Variants in MACF1 observed in about 807,000 individuals in gnomAD.
MACF1 encodes microtubule actin crosslinking factor 1.
A neutral mutation model predicts 854.8 loss-of-function variants in MACF1; 193 were observed. That is an observed-to-expected ratio of 0.23 (90% CI 0.20 to 0.25). MACF1 has a LOEUF of 0.25. Ranked by LOEUF, MACF1 falls within the 10% of genes least tolerant of loss-of-function variation. The pLI, the probability that MACF1 is intolerant of heterozygous loss-of-function variation, is 1.00. For missense variants in MACF1, 7,722 were observed against 8,929.1 expected, an observed-to-expected ratio of 0.86 and a Z score of 5.45; for synonymous variants, 3,185 against 3,226.7, an observed-to-expected ratio of 0.99 and a Z score of 0.44.
chr1:39,264,488 A>G (rs1033744680), intron 6 of MACF1, among the ~76,000 whole-genome samples: 2 of 152,128 alleles, frequency 1.3e-5, no homozygotes, highest in Non-Finnish European at 2.9e-5. Context: ...GCAGTCAGTA[A>G]ATATTTATTA....
At position 39,295,127 on chromosome 1, in the gene MACF1, C is replaced by G; in HGVS notation, c.2236C>G (p.His746Asp). ...DTAELLSLEN[H>D]PAKQTVEAYS... ...AGCAGAACTACTTTCACTTGAGAAC[C>G]ACCCAGCCAAGCAGACAGTGGAGGT... The change falls in exon 19 of 101, where the codon CAC becomes GAC. Residue 746 changes from histidine to aspartate, a missense_variant. Physicochemically the swap from His to Asp is moderately conservative, Grantham distance 81 (BLOSUM62 -1). Transcript: ENST00000564288. 1 of 1,613,950 alleles carries G rather than the reference C, an allele frequency of 6.2e-7. No individual in the cohort carries two copies. The highest frequency in any genetic ancestry group is 8.5e-7 in the Non-Finnish European group (1 of 1,179,900).
chr1:39,394,373 G>A (rs1642192175), intron 58 of MACF1, among the ~76,000 whole-genome samples: 1 of 152,082 alleles, frequency 6.6e-6, no homozygotes, highest in Non-Finnish European at 1.5e-5. Context: ...TGTAATCCCA[G>A]TACTTTGGAA....
chr1:39,103,783 A>G (rs1168160847), intron 2 of MACF1: 1 of 152,186 alleles, frequency 6.6e-6, no homozygotes, highest in Non-Finnish European at 1.5e-5. Flanking sequence ...CATGATCTTC[A>G]TGCCCACAAC....
rs538766506 is a variant in MACF1 at position 39,232,794 on chromosome 1, T to C, written c.171+1551T>C. On this transcript the variant is annotated intron_variant, in intron 2 of 100. Coordinates refer to ENST00000564288, the MANE Select transcript of MACF1 (RefSeq NM_001394062.1). Reference sequence around the variant, plus strand: ...GTTTGTTTGTTTCTTTGTTTGTTTGTTTTTTTGAGACAGAGTCTTACCCTG... The same window carrying C: ...GTTTGTTTGTTTCTTTGTTTGTTTGCTTTTTTGAGACAGAGTCTTACCCTG... Among the ~76,000 whole-genome samples the C allele has an allele frequency of 2.0e-4, 30 of 151,802 alleles. 1 individual carries two copies. In the South Asian group the frequency reaches 5.8e-3, roughly 29 times the overall value.
At chr1:39,298,788 T>C (rs1645978162) in intron 21 of MACF1, 1 of 358,126 alleles carries the variant, frequency 2.8e-6, no homozygotes, top group South Asian at 2.2e-5. Flanking sequence ...CTCTCAGAGG[T>C]ACTGCAAGTA....
At chr1:39,123,978 T>C (rs891384994) in intron 2 of MACF1, among the ~76,000 whole-genome samples, 3 of 151,826 alleles carry the variant, frequency 2.0e-5, no homozygotes, top group Non-Finnish European at 4.4e-5. Flanking sequence ...CCTGACCTCA[T>C]GATCCGCCTG....
At chr1:39,214,646 A>G (rs1163584441) in intron 1 of MACF1, among the ~76,000 whole-genome samples, 1 of 152,088 alleles carries the variant, frequency 6.6e-6, no homozygotes, top group Non-Finnish European at 1.5e-5. Context: ...AGGTGGGGCT[A>G]CTCTGTAAAG....
chr1:39,396,959 G>T (rs1043177691), intron 58 of MACF1, among the ~76,000 whole-genome samples: 1 of 152,148 alleles, frequency 6.6e-6, no homozygotes, highest in Non-Finnish European at 1.5e-5. Context: ...ACTATAGAAG[G>T]TTAATGGAAT....
chr1:39,412,478 AT>A (rs999392567), intron 58 of MACF1: 1 of 1,614,068 alleles, frequency 6.2e-7, no homozygotes. Context: ...GCTCCAGCAC[AT>A]TTCCACAGAA....
intron 2 of MACF1, among the ~76,000 whole-genome samples, chr1:39,141,654 G>A (rs1303016717): frequency 6.6e-6 from 1 of 152,088 alleles, no homozygotes. Flanking sequence ...ACAGTAATGG[G>A]GATAGGACAT....
At chr1:39,292,651 T>C (rs889499153) in intron 16 of MACF1, 115 bp from the exon 17 acceptor site, 1 of 740,848 alleles carries the variant, frequency 1.3e-6, no homozygotes, top group African/African-American at 1.8e-5. Flanking sequence ...TCTGTTTTCT[T>C]AGAGCAACCA....
intron 21 of MACF1, among the ~76,000 whole-genome samples, chr1:39,298,324 T>C (rs918245000): frequency 6.6e-6 from 1 of 152,220 alleles, no homozygotes; most frequent in Non-Finnish European, 1.5e-5. Flanking sequence ...TTACATTTAG[T>C]ATTTAGTTCA....
At chr1:39,309,994 G>C (rs988799999) in intron 24 of MACF1, among the ~76,000 whole-genome samples, 1 of 152,308 alleles carries the variant, frequency 6.6e-6, no homozygotes, top group Non-Finnish European at 1.5e-5. Context: ...TATGTAGTAG[G>C]TGAATACTTG....
intron 58 of MACF1, among the ~76,000 whole-genome samples, chr1:39,390,129 TA>T (rs1641974333): frequency 6.6e-6 from 1 of 152,212 alleles, no homozygotes; most frequent in East Asian, 1.9e-4. Context: ...GGTAAATACG[TA>T]AAAGTCTCTC....
intron 2 of MACF1, among the ~76,000 whole-genome samples, chr1:39,142,345 TG>T (rs921435053): frequency 1.1e-4 from 17 of 152,306 alleles, no homozygotes; most frequent in African/African-American, 3.8e-4. Flanking sequence ...GGAAATTTGA[TG>T]GGGGAGTCTC....
At chr1:39,294,972 C>A in intron 18 of MACF1, 74 bp from the exon 19 acceptor site, 2 of 1,104,330 alleles carry the variant, frequency 1.8e-6, no homozygotes, top group Non-Finnish European at 2.7e-6. Flanking sequence ...AAATAGGGAA[C>A]ACAGCTTTTA....
At position 39,484,678 on chromosome 1, in the gene MACF1, T is replaced by TA. The variant is rs1447911736; in HGVS notation, c.22360dup (p.Thr7454AsnfsTer4). The TA allele has an allele frequency of 6.2e-7, 1 of 1,611,926 alleles. No individual in the cohort carries two copies. The highest frequency in any genetic ancestry group is 8.5e-7 in the Non-Finnish European group (1 of 1,178,064). On this transcript the variant is annotated frameshift_variant, in exon 100 of 101. Coordinates refer to ENST00000564288, the MANE Select transcript of MACF1 (RefSeq NM_001394062.1). LOFTEE classifies it high-confidence loss of function. ...CTAGTCGGACATCCCTTGCTGGTGA[T>TA]ACCAGCAATAGTTCTTCCCCGGCCT...
chr1:39,378,675 G>A (rs771016130), intron 53 of MACF1, 152 bp downstream of exon 53: 118 of 692,048 alleles, frequency 1.7e-4, no homozygotes, highest in Non-Finnish European at 2.7e-4. Context: ...GTGGTTTGCT[G>A]GCTATAGACC....
At chr1:39,160,296 T>C (rs1643771322) in intron 2 of MACF1, among the ~76,000 whole-genome samples, 2 of 152,104 alleles carry the variant, frequency 1.3e-5, no homozygotes, top group African/African-American at 2.4e-5. Context: ...GAGTCTGGAG[T>C]GAGAAGAGTG....
Sources: allele counts gnomAD v4.1 joint callset (sites outside exome capture counted in the v4.1 genomes callset), GRCh38; gene constraint gnomAD v4.1.1; transcripts MANE v1.5; gene names NCBI Gene and HGNC (gene_info 2026-07-23, HGNC 2026-07-21).